The following SP140 variants were observed in gnomAD, a reference collection of about 807,000 sequenced individuals.
SP140 encodes the protein SP140 nuclear body protein.
Under a neutral mutation model 125.0 loss-of-function variants are expected in SP140, and 81 were observed. The observed-to-expected ratio is 0.65, with a 90% CI of 0.54 to 0.78. The LOEUF is 0.78. Ranked by LOEUF, SP140 falls within the 30% of genes least tolerant of loss-of-function variation. The probability of loss-of-function intolerance (pLI) is 0.00; values close to 1 mark genes in which losing one functional copy is unlikely to be tolerated. For synonymous variants in SP140, 312 were observed against 354.0 expected (o/e 0.88, Z 1.33); for missense variants, 858 against 1,037.0 (o/e 0.83, Z 2.37).
In SP140 at chr2:230,294,302, G is replaced by A. The variant is rs557885322; in HGVS notation, c.2000G>A (p.Arg667His). The change falls in exon 21 of 27, where the codon CGT becomes CAT. Residue 667 changes from arginine (R) to histidine (H), a missense_variant. Physicochemically the swap from Arg to His is conservative, Grantham distance 29. Coordinates refer to ENST00000392045, the MANE Select transcript of SP140 (RefSeq NM_007237.5). ...NGFLPDPPRI[R>H]YRKKKRILKS... Reference sequence around the variant, plus strand: ...TTTCTGCCTGATCCTCCAAGAATACGTTACAGGAAAAAAAAGGTGATTATT... The same window carrying A: ...TTTCTGCCTGATCCTCCAAGAATACATTACAGGAAAAAAAAGGTGATTATT... 102 of 1,611,406 alleles carry A rather than the reference G, an allele frequency of 6.3e-5. No individual in the cohort carries two copies. The highest frequency in any genetic ancestry group is 7.8e-5 in the Non-Finnish European group (92 of 1,177,946).
intron 7 of SP140, among the ~76,000 whole-genome samples, chr2:230,246,161 A>G (rs140228428): frequency 2.2e-3 from 341 of 152,216 alleles, no homozygotes; most frequent in Admixed American, 4.0e-3. Flanking sequence ...CTCCCCACAT[A>G]CAGACAGAGA....
intron 10 of SP140, among the ~76,000 whole-genome samples, chr2:230,252,935 C>T (rs1370015816): frequency 6.6e-5 from 10 of 151,860 alleles, no homozygotes; most frequent in East Asian, 1.9e-4. Flanking sequence ...AAAATGCTAC[C>T]GGGAGGGAAG....
intron 18 of SP140, among the ~76,000 whole-genome samples, chr2:230,288,983 A>G (rs1172045092): frequency 6.6e-6 from 1 of 152,220 alleles, no homozygotes; most frequent in African/African-American, 2.4e-5. Flanking sequence ...GTATATATCC[A>G]GTAATGGGAC....
intron 1 of SP140, among the ~76,000 whole-genome samples, chr2:230,231,709 T>G (rs1247005107): frequency 3.3e-5 from 5 of 152,148 alleles, no homozygotes; most frequent in Admixed American, 3.3e-4. Flanking sequence ...CTCCACCCTT[T>G]TTTTTCAATT....
chr2:230,223,986 G>T (rs2046032900), upstream of SP140, among the ~76,000 whole-genome samples: 2 of 152,208 alleles, frequency 1.3e-5, 1 homozygote, highest in South Asian at 4.1e-4. Flanking sequence ...ACCAGAGATG[G>T]TCTGATGGTC....
intron 12 of SP140, among the ~76,000 whole-genome samples, chr2:230,256,954 G>A (rs866765344): frequency 1.3e-5 from 2 of 152,160 alleles, no homozygotes; most frequent in Non-Finnish European, 2.9e-5. Flanking sequence ...AGATAGGGAA[G>A]GTGCTGTTAT....
chr2:230,294,156 A>G, intron 20 of SP140, 115 bp from the exon 21 acceptor site: 1 of 784,398 alleles, frequency 1.3e-6, no homozygotes, highest in Admixed American at 2.1e-5. Context: ...GACACCTTGG[A>G]TTTGAGCTGG....
At chr2:230,309,212 T>C (rs965210944) in intron 22 of SP140, among the ~76,000 whole-genome samples, 2 of 152,364 alleles carry the variant, frequency 1.3e-5, no homozygotes, top group African/African-American at 4.8e-5. Flanking sequence ...TGAGGGCCTC[T>C]GTCTTCAACA....
intron 22 of SP140, among the ~76,000 whole-genome samples, chr2:230,309,405 GC>G (rs980213622): frequency 2.6e-5 from 4 of 152,182 alleles, no homozygotes; most frequent in African/African-American, 9.7e-5. Flanking sequence ...TCGGCGTAGA[GC>G]CCTCCAGGCA....
rs1575405555 is a variant in SP140, at chr2:230,312,675, G to A, written c.2595G>A (p.Gly865=). 1 of 1,607,060 alleles carries A rather than the reference G, an allele frequency of 6.2e-7. No homozygotes were observed. The highest frequency in any genetic ancestry group is 8.5e-7 in the Non-Finnish European group (1 of 1,174,166). ...TGTTTGCTATTCAGGAAACAAATGG[G>A]AACAATTGACTGGATTAGTGGATGC... ...KEVFAIQETN[G]NN The change falls in exon 27 of 27, where the codon GGG becomes GGA. Residue 865 remains glycine (G), a synonymous_variant. Coordinates refer to ENST00000392045, the MANE Select transcript of SP140 (RefSeq NM_007237.5).
intron 3 of SP140, among the ~76,000 whole-genome samples, chr2:230,219,089 G>A (rs1340285674): frequency 1.3e-5 from 2 of 152,190 alleles, no homozygotes; most frequent in Non-Finnish European, 2.9e-5. Flanking sequence ...GCTGGGCGTG[G>A]TGGTGCACAT....
At chr2:230,209,995 A>T in intron 1 of SP140, 1 of 1,596,944 alleles carries the variant, frequency 6.3e-7, no homozygotes. Flanking sequence ...GTTCTGGAGA[A>T]TTATCTCTTA....
chr2:230,294,310 A>G lies in SP140; in HGVS notation c.2008A>G (p.Lys670Glu), dbSNP rs746153744. 1.1e-5 allele frequency: 17 copies of G among 1,596,468 alleles called. No homozygotes were observed. The Admixed American group carries it at 1.2e-4, about 11-fold the overall frequency. Reference sequence around the variant, plus strand: ...TGATCCTCCAAGAATACGTTACAGGAAAAAAAAGGTGATTATTACATAGCT... The same window carrying G: ...TGATCCTCCAAGAATACGTTACAGGGAAAAAAAGGTGATTATTACATAGCT... ...LPDPPRIRYR[K>E]KKRILKSQNN... Residue 670 changes from lysine (K) to glutamate (E), a missense_variant, in exon 21 of 27, where the codon AAA (lysine) becomes GAA (glutamate). By Grantham distance (56) the Lys-to-Glu change is moderately conservative. Around this residue, in one of 4 missense-constraint regions of SP140, gnomAD observed 791 missense variants for 869.5 expected, o/e 0.91. Transcript: ENST00000392045.
intron 11 of SP140, among the ~76,000 whole-genome samples, chr2:230,254,775 G>T (rs1344151005): frequency 2.6e-5 from 4 of 152,174 alleles, no homozygotes; most frequent in Non-Finnish European, 5.9e-5. Flanking sequence ...CCTTCCTGTG[G>T]ATTTCTGTGG....
At chr2:230,306,984 A>G (rs935398354) in intron 22 of SP140, among the ~76,000 whole-genome samples, 1 of 152,220 alleles carries the variant, frequency 6.6e-6, no homozygotes, top group Admixed American at 6.5e-5. Flanking sequence ...AGGCCTGCTC[A>G]TGGTAACCCA....
the SP140 span, among the ~76,000 whole-genome samples, chr2:230,189,565 A>T: frequency 2.0e-5 from 3 of 151,962 alleles, no homozygotes; most frequent in African/African-American, 7.3e-5. Context: ...TATAATTTCA[A>T]TTTTTTTCTT....
intron 1 of SP140, chr2:230,212,813 A>G: frequency 6.2e-7 from 1 of 1,614,174 alleles, no homozygotes; most frequent in Non-Finnish European, 8.5e-7. Context: ...GGACAGGGTC[A>G]GATGGGCTGG....
chr2:230,256,584 A>G (rs1387018620), intron 12 of SP140, among the ~76,000 whole-genome samples: 2 of 152,122 alleles, frequency 1.3e-5, no homozygotes, highest in South Asian at 2.1e-4. Flanking sequence ...TGATGAGTTA[A>G]TGGGTGCAGC....
At chr2:230,252,713 C>G (rs1322196873) in intron 10 of SP140, among the ~76,000 whole-genome samples, 1 of 152,092 alleles carries the variant, frequency 6.6e-6, no homozygotes, top group Non-Finnish European at 1.5e-5. Context: ...AGAAATAAAG[C>G]ACAGAAATGC....
Sources: gnomAD v4.1 joint callset for allele counts (sites outside exome capture counted in the v4.1 genomes callset) on GRCh38, gnomAD v4.1.1 for gene constraint, gnomAD v4.1.1 regional missense constraint, MANE v1.5 for transcripts, NCBI Gene and HGNC (gene_info 2026-07-23, HGNC 2026-07-21) for gene names.